RSL24D1: variants seen among roughly 807,000 people sequenced by gnomAD.
RSL24D1 encodes the protein probable ribosome biogenesis protein RLP24.
A neutral mutation model predicts 26.2 loss-of-function variants in RSL24D1; 6 were observed. The observed-to-expected ratio is 0.23, with a 90% confidence interval of 0.13 to 0.45. RSL24D1 has a LOEUF of 0.45. Ranked by LOEUF, RSL24D1 falls within the 20% of genes least tolerant of loss-of-function variation. The pLI is 0.99. For missense variants in RSL24D1, 176 were observed against 202.6 expected, an observed-to-expected ratio of 0.87 and a Z score of 0.80; for synonymous variants, 61 against 59.1, an observed-to-expected ratio of 1.03 and a Z score of -0.15.
rs528629909 is a variant in RSL24D1 at position 55,181,480 on chromosome 15, G to C, written c.*672C>G. The C allele has an allele frequency of 1.3e-5, 2 of 152,694 alleles. No homozygotes were observed. Among genetic ancestry groups the C allele is most frequent in the Admixed American group, 1.3e-4 (2 of 15,290 alleles). The allele number at this position is 152,694 out of a possible 1,614,324, so 9.5% of individuals were successfully genotyped here. On this transcript the variant is annotated 3_prime_UTR_variant, in exon 6 of 6. Transcript: ENST00000260443. ...ATCAATGCTGGGCTAGAAAAGTAAA[G>C]TCTGTTCTATCAGGAATCACAAGTT...
At chr15:55,190,949 A>T in intron 3 of RSL24D1, 26 bp downstream of exon 3, 1 of 1,498,776 alleles carries the variant, frequency 6.7e-7, no homozygotes, top group Non-Finnish European at 9.2e-7. Context: ...TCTCCTCAAA[A>T]TTACTGGTAT....
intron 3 of RSL24D1, among the ~76,000 whole-genome samples, chr15:55,186,185 C>G (rs932706867): frequency 3.3e-5 from 5 of 152,144 alleles, no homozygotes; most frequent in African/African-American, 1.2e-4. Flanking sequence ...ATCCAGCATT[C>G]ATTTCACATT....
intron 1 of RSL24D1, among the ~76,000 whole-genome samples, chr15:55,195,024 CA>C (rs34525957): frequency 0.02 from 977 of 48,278 alleles, 2 homozygotes; most frequent in East Asian, 0.03. Context: ...GACCCTGTCT[CA>C]AAAAAAAAAA....
chr15:55,191,382 T>G (rs1271811353), intron 2 of RSL24D1, among the ~76,000 whole-genome samples: 1 of 152,086 alleles, frequency 6.6e-6, no homozygotes, highest in Non-Finnish European at 1.5e-5. Context: ...CCAGAAAACT[T>G]TGAATTATGT....
At chr15:55,191,173 T>C in intron 2 of RSL24D1, 126 bp from the exon 3 acceptor site, 2 of 645,996 alleles carry the variant, frequency 3.1e-6, no homozygotes, top group South Asian at 2.1e-5. Context: ...CCCCTCAGGG[T>C]ATCTCAGAGA....
At chr15:55,186,893 G>C (rs1050804838) in intron 3 of RSL24D1, among the ~76,000 whole-genome samples, 4 of 152,126 alleles carry the variant, frequency 2.6e-5, no homozygotes, top group African/African-American at 9.7e-5. Context: ...ACACTAAAGG[G>C]AGAAAGGGAG....
Position 55,191,163 on chromosome 15 carries a change from C to A in RSL24D1, c.196-116G>T, listed in dbSNP as rs1894293333. ...CTAAATGAACATACACCTAGATTCA[C>A]CCCTCAGGGTATCTCAGAGAATATA... On this transcript the variant is annotated intron_variant, in intron 2 of 5. Coordinates refer to ENST00000260443, the MANE Select transcript of RSL24D1 (RefSeq NM_016304.3). 1.0e-5 allele frequency: 7 copies of A among 687,740 alleles called. No homozygotes were observed. In the East Asian group the frequency reaches 2.0e-4, roughly 19 times the overall value. The allele number at this position is 687,740 out of a possible 1,614,324, so 42.6% of individuals were successfully genotyped here. A position where few individuals can be genotyped will look rare whatever the true frequency, so the allele number is the denominator to read the frequency against.
rs1221023217 is a variant in RSL24D1, at chr15:55,192,780, A to G, written c.135T>C (p.Asn45=). The G allele has an allele frequency of 2.5e-6, 4 of 1,613,868 alleles. No individual in the cohort carries two copies. The highest frequency in any genetic ancestry group is 3.4e-6 in the Non-Finnish European group (4 of 1,179,824). ...CTTTGGTCCACCTAACTTTGCGAGG[A>G]TTGCGCTTCTTTTTAAAGTTTTTAT... is the stretch of plus-strand genomic sequence containing the variant. ...KCHKNFKKKR[N]PRKVRWTKAF... Residue 45 remains asparagine (N), a synonymous_variant, in exon 2 of 6, where the codon AAT becomes AAC. Transcript: ENST00000260443.
intron 2 of RSL24D1, chr15:55,192,422 C>T (rs1228748895): frequency 8.3e-6 from 2 of 240,306 alleles, no homozygotes; most frequent in Non-Finnish European, 1.6e-5. Flanking sequence ...GACTGCTGTT[C>T]AGAAATCCTT....
At chr15:55,186,566 C>A (rs1894226147) in intron 3 of RSL24D1, among the ~76,000 whole-genome samples, 1 of 152,068 alleles carries the variant, frequency 6.6e-6, no homozygotes, top group Non-Finnish European at 1.5e-5. Context: ...AAATTTTATA[C>A]CAAACGCCTG....
chr15:55,183,129 A>G (rs1290036085), intron 5 of RSL24D1, among the ~76,000 whole-genome samples, 186 bp downstream of exon 5: 3 of 152,230 alleles, frequency 2.0e-5, no homozygotes. Context: ...ATGAAGGCAA[A>G]AAAGAAACAC....
In RSL24D1 at chr15:55,181,304, A is replaced by G. The variant is rs1039828891; in HGVS notation, c.*848T>C. 1 of 152,594 alleles carries G rather than the reference A, an allele frequency of 6.6e-6. No individual in the cohort carries two copies. The highest frequency in any genetic ancestry group is 2.4e-5 in the African/African-American group (1 of 41,466). 9.5% of individuals were successfully genotyped at this position (152,594 alleles called of 1,614,324 possible). ...CTTTGTTTAGTGCCTTTAAAGAATA[A>G]ATATCAGCATTACTTTTTAAATGGT... On this transcript the variant is annotated 3_prime_UTR_variant, in exon 6 of 6. Transcript: ENST00000260443.
chr15:55,182,362 T>C (rs191266343), intron 5 of RSL24D1, 137 bp from the exon 6 acceptor site: 1 of 625,688 alleles, frequency 1.6e-6, no homozygotes, highest in Non-Finnish European at 2.9e-6. Flanking sequence ...GTAGCTAAAC[T>C]AACATAGGTC....
chr15:55,188,222 T>G (rs76663511), intron 3 of RSL24D1, among the ~76,000 whole-genome samples: 5,081 of 152,304 alleles, frequency 0.033, 280 homozygotes, highest in African/African-American at 0.12. Flanking sequence ...AATAATATAT[T>G]GTTCTGGAAC....
chr15:55,185,722 T>C (rs1894217505), intron 3 of RSL24D1, among the ~76,000 whole-genome samples: 1 of 152,206 alleles, frequency 6.6e-6, no homozygotes, highest in Admixed American at 6.5e-5. Flanking sequence ...AATTTTACTA[T>C]AAAGAGAACT....
In RSL24D1 at chr15:55,186,104, C is replaced by T. The variant is rs550254369; in HGVS notation, c.269-679G>A. Among the ~76,000 whole-genome samples the T allele has an allele frequency of 6.6e-5, 10 of 152,272 alleles. No homozygotes were observed. In the East Asian group the frequency reaches 1.7e-3, roughly 26 times the overall value. On this transcript the variant is annotated intron_variant, in intron 3 of 5. Coordinates refer to ENST00000260443, the MANE Select transcript of RSL24D1 (RefSeq NM_016304.3). ...TTAACCCAAATTTCCAAAATACTGTCACTCAACATGCAATCTATATAAAAT... is the reference window on the plus strand; with the variant it reads ...TTAACCCAAATTTCCAAAATACTGTTACTCAACATGCAATCTATATAAAAT...
chr15:55,181,366 C>CTTAT lies in RSL24D1; in HGVS notation c.*785_*786insATAA, dbSNP rs1894164260. The CTTAT allele has an allele frequency of 6.6e-6, 1 of 152,302 alleles. No homozygotes were observed. Among genetic ancestry groups the CTTAT allele is most frequent in the South Asian group, 2.1e-4 (1 of 4,792 alleles). 9.4% of individuals were successfully genotyped at this position (152,302 alleles called of 1,614,324 possible). A position where few individuals can be genotyped will look rare whatever the true frequency, so the allele number is the denominator to read the frequency against. ...TACAAATAATGAACATACGTTGTAC[C>CTTAT]CATAAATTCTACTTTCCAAAAACAG... is the stretch of plus-strand genomic sequence containing the variant. On this transcript the variant is annotated 3_prime_UTR_variant, in exon 6 of 6. Transcript: ENST00000260443.
At chr15:55,194,495 T>A (rs190931027) in intron 1 of RSL24D1, 1 of 152,136 alleles carries the variant, frequency 6.6e-6, no homozygotes, top group Non-Finnish European at 1.5e-5. Flanking sequence ...TGGTTTCAAG[T>A]TTCTCTTTTA....
intron 1 of RSL24D1, among the ~76,000 whole-genome samples, chr15:55,193,114 T>C (rs1894317060): frequency 6.6e-6 from 1 of 152,232 alleles, no homozygotes; most frequent in African/African-American, 2.4e-5. Context: ...AGTAAAGTCA[T>C]TTATTTAAGT....
Sources: gnomAD v4.1 joint callset for allele counts (sites outside exome capture counted in the v4.1 genomes callset) on GRCh38, gnomAD v4.1.1 for gene constraint, MANE v1.5 for transcripts, NCBI Gene and HGNC (gene_info 2026-07-23, HGNC 2026-07-21) for gene names.